Variants in CTNNA2 observed in about 807,000 individuals in gnomAD.
CTNNA2 encodes the protein catenin alpha-2.
In CTNNA2, 42 loss-of-function variants were observed where a neutral mutation model predicts 101.0. That is an observed-to-expected ratio of 0.42 (90% CI 0.32 to 0.54). The LOEUF is 0.54. Among genes scored for constraint, CTNNA2 ranks in the 20% least tolerant of loss-of-function variants. CTNNA2 has a pLI of 0.14. For synonymous variants in CTNNA2, 450 were observed against 456.4 expected (o/e 0.99, Z 0.18); for missense variants, 871 against 1,223.1 (o/e 0.71, Z 4.29).
At chr2:80,054,574 A>G (rs1334534894) in intron 7 of CTNNA2, among the ~76,000 whole-genome samples, 2 of 152,168 alleles carry the variant, frequency 1.3e-5, no homozygotes, top group Non-Finnish European at 2.9e-5. Flanking sequence ...TGGTTTCTGG[A>G]GCACAGCCAA....
At chr2:79,712,204 A>G (rs1685783868) in intron 2 of CTNNA2, among the ~76,000 whole-genome samples, 1 of 152,196 alleles carries the variant, frequency 6.6e-6, no homozygotes, top group South Asian at 2.1e-4. Context: ...TGAAGCTCAG[A>G]GAAGTTGAAA....
chr2:79,289,436 G>A (rs529869508), intron 2 of CTNNA2, among the ~76,000 whole-genome samples: 27 of 152,136 alleles, frequency 1.8e-4, no homozygotes, highest in South Asian at 8.3e-4. Context: ...TACATGTGAC[G>A]AGTGGTGGGC....
intron 6 of CTNNA2, among the ~76,000 whole-genome samples, chr2:79,900,979 AG>A (rs202075207): frequency 0.013 from 1,982 of 152,308 alleles, 51 homozygotes; most frequent in African/African-American, 0.045. Context: ...AATTTTTTAA[AG>A]GGTACATAGA....
At chr2:79,482,168 A>G (rs1671116047) in intron 4 of CTNNA2, among the ~76,000 whole-genome samples, 1 of 152,218 alleles carries the variant, frequency 6.6e-6, no homozygotes, top group Non-Finnish European at 1.5e-5. Context: ...GGTTCATAAC[A>G]ATAGAGACTG....
intron 11 of CTNNA2, among the ~76,000 whole-genome samples, 193 bp downstream of exon 11, chr2:80,546,256 C>T (rs1260496027): frequency 6.6e-5 from 10 of 152,124 alleles, no homozygotes; most frequent in Non-Finnish European, 1.3e-4. Context: ...TTTCAAGACA[C>T]GGAGTCAAGG....
At chr2:80,570,419 T>C (rs1370718207) in intron 12 of CTNNA2, among the ~76,000 whole-genome samples, 1 of 152,162 alleles carries the variant, frequency 6.6e-6, no homozygotes, top group African/African-American at 2.4e-5. Context: ...AGCAGAGGTA[T>C]TGGTGATTAA....
rs948935696 is a variant in CTNNA2, at chr2:79,819,974, C to T, written c.299-38039C>T. Reference sequence around the variant, plus strand: ...GACAATGAAAACAAAACAACAAAAACAAGCAATCTCATGTAACTGTAAGGA... The same window carrying T: ...GACAATGAAAACAAAACAACAAAAATAAGCAATCTCATGTAACTGTAAGGA... On this transcript the variant is annotated intron_variant, in intron 3 of 18. Transcript: ENST00000402739. Among the ~76,000 whole-genome samples, 3 of 151,872 alleles carry T rather than the reference C, an allele frequency of 2.0e-5. No individual in the cohort carries two copies. In the South Asian group the frequency reaches 6.3e-4, roughly 32 times the overall value.
intron 3 of CTNNA2, among the ~76,000 whole-genome samples, chr2:79,844,505 C>G (rs531758123): frequency 1.3e-5 from 2 of 152,230 alleles, no homozygotes; most frequent in South Asian, 4.1e-4. Flanking sequence ...GGTCACATTT[C>G]CAGTAGTAGG....
chr2:79,509,510 G>T (rs1179144702), upstream of CTNNA2, among the ~76,000 whole-genome samples: 1 of 152,128 alleles, frequency 6.6e-6, no homozygotes. Context: ...AATCTGAAAA[G>T]GCTACATATT....
At chr2:79,415,140 A>G (rs1370085725) in intron 4 of CTNNA2, among the ~76,000 whole-genome samples, 1 of 152,100 alleles carries the variant, frequency 6.6e-6, no homozygotes, top group Non-Finnish European at 1.5e-5. Flanking sequence ...GATCATGGCA[A>G]TAGGTCCCTC....
intron 9 of CTNNA2, among the ~76,000 whole-genome samples, chr2:80,470,942 G>T (rs1685251289): frequency 6.6e-6 from 1 of 152,150 alleles, no homozygotes; most frequent in Non-Finnish European, 1.5e-5. Flanking sequence ...TGAAGGGAGA[G>T]GAGGCAGCCA....
At chr2:79,359,176 G>T (rs1677572251) in intron 3 of CTNNA2, among the ~76,000 whole-genome samples, 2 of 152,176 alleles carry the variant, frequency 1.3e-5, no homozygotes. Context: ...ACTAACTGTG[G>T]ATGCCTGGTT....
chr2:80,595,657 G>GT (rs1461207699), intron 15 of CTNNA2, among the ~76,000 whole-genome samples: 5 of 151,922 alleles, frequency 3.3e-5, no homozygotes, highest in East Asian at 3.9e-4. Context: ...CTGTTTGACA[G>GT]TTTTTTTTAA....
chr2:79,202,867 T>G (rs1674055842), intron 2 of CTNNA2, among the ~76,000 whole-genome samples: 1 of 152,140 alleles, frequency 6.6e-6, no homozygotes, highest in Non-Finnish European at 1.5e-5. Context: ...GGTCACAAAT[T>G]CAAAGCTGTG....
At chr2:80,428,334 G>T (rs917278846) in intron 9 of CTNNA2, among the ~76,000 whole-genome samples, 5 of 152,232 alleles carry the variant, frequency 3.3e-5, no homozygotes, top group African/African-American at 1.2e-4. Flanking sequence ...AGTGCTGCTT[G>T]ATGGAAAATA....
At chr2:79,495,337 G>T in intron 4 of CTNNA2, among the ~76,000 whole-genome samples, 1 of 152,044 alleles carries the variant, frequency 6.6e-6, no homozygotes, top group Non-Finnish European at 1.5e-5. Flanking sequence ...TTTTAAAGAA[G>T]ATATACAAAT....
chr2:79,910,214 A>G (rs1685690652), intron 7 of CTNNA2, among the ~76,000 whole-genome samples: 1 of 152,204 alleles, frequency 6.6e-6, no homozygotes, highest in Non-Finnish European at 1.5e-5. Context: ...CCTAAGAGGC[A>G]TTAATAAATC....
At chr2:79,884,961 G>A (rs1683739061) in intron 6 of CTNNA2, among the ~76,000 whole-genome samples, 1 of 152,106 alleles carries the variant, frequency 6.6e-6, no homozygotes, top group Non-Finnish European at 1.5e-5. Flanking sequence ...CACGGGCCAT[G>A]CTTCTGTGGT....
At chr2:79,336,295 G>A (rs1472877971) in intron 3 of CTNNA2, among the ~76,000 whole-genome samples, 1 of 152,096 alleles carries the variant, frequency 6.6e-6, no homozygotes, top group East Asian at 1.9e-4. Context: ...TAGGAGCAGT[G>A]GTGTCATGCT....
Sources: gnomAD v4.1 joint callset for allele counts (sites outside exome capture counted in the v4.1 genomes callset) on GRCh38, gnomAD v4.1.1 for gene constraint, MANE v1.5 for transcripts, NCBI Gene and HGNC (gene_info 2026-07-23, HGNC 2026-07-21) for gene names.